The following ZNF714 variants were observed in gnomAD, a reference collection of about 807,000 sequenced individuals.
ZNF714 encodes the protein zinc finger protein 714.
Under a neutral mutation model 46.2 loss-of-function variants are expected in ZNF714, and 32 were observed. The observed-to-expected ratio is 0.69, with a 90% CI of 0.52 to 0.93. The LOEUF is 0.93. Ranked by LOEUF, ZNF714 falls within the 40% of genes least tolerant of loss-of-function variation. The probability of loss-of-function intolerance (pLI) is 0.00; values close to 1 mark genes in which losing one functional copy is unlikely to be tolerated. For missense variants in ZNF714, 635 were observed against 646.3 expected, an observed-to-expected ratio of 0.98 and a Z score of 0.19; for synonymous variants, 199 against 213.1, an observed-to-expected ratio of 0.93 and a Z score of 0.58.
In ZNF714 at chr19:21,086,803, T is replaced by A. The variant is rs546049935; in HGVS notation, c.-85+2734T>A. On this transcript the variant is annotated intron_variant, in intron 2 of 4. Transcript: ENST00000456283. ...ATATGCCTCTGACATCTCCCCCTTC[T>A]TTTTAACATGGGCACACTTAATCCT... 3.3e-5 allele frequency among the ~76,000 whole-genome samples: 5 copies of A among 152,282 alleles called. No individual in the cohort carries two copies. In the South Asian group the frequency reaches 1.0e-3, roughly 32 times the overall value.
Position 21,082,329 on chromosome 19 carries a change from A to T in ZNF714, c.-196A>T. ...GAGATCCACAGCTAAGACGCCAGGT[A>T]CCCCGGAAGCCTAGAAATGGTGAGA... On this transcript the variant is annotated 5_prime_UTR_variant, in exon 1 of 5. Coordinates refer to ENST00000456283, the MANE Select transcript of ZNF714 (RefSeq NM_182515.4). 1.4e-5 allele frequency: 20 copies of T among 1,453,966 alleles called. No individual in the cohort carries two copies. The highest frequency in any genetic ancestry group is 1.8e-5 in the Non-Finnish European group (19 of 1,075,482). 90.1% of individuals were successfully genotyped at this position (1,453,966 alleles called of 1,614,324 possible).
chr19:21,114,435 C>CAAAA (rs34487712), intron 4 of ZNF714, among the ~76,000 whole-genome samples: 3 of 124,894 alleles, frequency 2.4e-5, no homozygotes, highest in Non-Finnish European at 3.3e-5. Flanking sequence ...GACTCCATCT[C>CAAAA]AAAAAAAAAA....
chr19:21,109,247 C>T (rs1434082594), intron 4 of ZNF714, among the ~76,000 whole-genome samples: 2 of 152,082 alleles, frequency 1.3e-5, no homozygotes, highest in African/African-American at 4.8e-5. Context: ...GAGATAAAGT[C>T]TCACTCTGTC....
At chr19:21,085,447 T>C (rs1003458737) in intron 2 of ZNF714, among the ~76,000 whole-genome samples, 2 of 152,278 alleles carry the variant, frequency 1.3e-5, no homozygotes, top group Admixed American at 6.5e-5. Context: ...GTAGATACTT[T>C]TGCTTTTTTT....
At chr19:21,115,710 C>T (rs2144878595) in intron 4 of ZNF714, among the ~76,000 whole-genome samples, 1 of 151,810 alleles carries the variant, frequency 6.6e-6, no homozygotes, top group Admixed American at 6.6e-5. Flanking sequence ...TGAAATTGTG[C>T]TTATATATGT....
At position 21,084,648 on chromosome 19, in the gene ZNF714, C is replaced by G. The variant is rs184802908; in HGVS notation, c.-85+579C>G. The stretch of plus-strand genomic sequence containing the variant: ...AAGAGATTTGTTCACTTATTTTGAC[C>G]TCAGTTTTTTAGCTGTAAATTGCAT... On this transcript the variant is annotated intron_variant, in intron 2 of 4. Transcript: ENST00000456283. Among the ~76,000 whole-genome samples the G allele has an allele frequency of 7.9e-4, 120 of 152,058 alleles. 1 individual carries two copies. Among genetic ancestry groups the G allele is most frequent in the Middle Eastern group, 3.4e-3 (1 of 292 alleles).
intron 2 of ZNF714, among the ~76,000 whole-genome samples, chr19:21,092,454 T>A (rs1355721322): frequency 1.3e-5 from 2 of 152,360 alleles, no homozygotes; most frequent in East Asian, 3.9e-4. Context: ...CTGGGCCTCC[T>A]GTTCCTAATC....
At chr19:21,112,676 C>T (rs141679371) in intron 4 of ZNF714, among the ~76,000 whole-genome samples, 1 of 151,296 alleles carries the variant, frequency 6.6e-6, no homozygotes, top group Non-Finnish European at 1.5e-5. Flanking sequence ...TTAGGGTGTC[C>T]ATTTGAGATC....
chr19:21,090,872 C>CTTT (rs56845153), intron 2 of ZNF714: 4 of 52,026 alleles, frequency 7.7e-5, no homozygotes, highest in South Asian at 9.9e-4. Flanking sequence ...TATGCCTCTC[C>CTTT]TTTTTTTTTT....
intron 2 of ZNF714, among the ~76,000 whole-genome samples, chr19:21,096,135 TG>T (rs1969035373): frequency 2.0e-5 from 3 of 152,186 alleles, no homozygotes; most frequent in Non-Finnish European, 4.4e-5. Flanking sequence ...AAATTGTTGG[TG>T]TCTGTGGCAG....
intron 2 of ZNF714, chr19:21,090,948 G>T (rs765131148): frequency 1.6e-5 from 2 of 122,648 alleles, no homozygotes; most frequent in Non-Finnish European, 3.2e-5. Flanking sequence ...GCAGTGGCAT[G>T]ATCTCAGCTC....
chr19:21,092,954 G>T (rs1213315319), intron 2 of ZNF714, among the ~76,000 whole-genome samples: 1 of 122,900 alleles, frequency 8.1e-6, no homozygotes, highest in Non-Finnish European at 1.6e-5. Context: ...CTGTCAGCCA[G>T]GCTGGAGTGC....
chr19:21,098,522 C>T (rs1479388769), intron 3 of ZNF714, among the ~76,000 whole-genome samples: 2 of 152,096 alleles, frequency 1.3e-5, no homozygotes, highest in Non-Finnish European at 2.9e-5. Flanking sequence ...AGCTGATCTG[C>T]ATCCTTCACT....
At chr19:21,085,763 G>A (rs1488548473) in intron 2 of ZNF714, among the ~76,000 whole-genome samples, 3 of 152,058 alleles carry the variant, frequency 2.0e-5, no homozygotes, top group African/African-American at 7.2e-5. Flanking sequence ...AGGACCCACA[G>A]GCAAATGCAG....
At position 21,117,327 on chromosome 19, in the gene ZNF714, G is replaced by T; in HGVS notation, c.663G>T (p.Met221Ile). 1 of 1,610,618 alleles carries T rather than the reference G, an allele frequency of 6.2e-7. No homozygotes were observed. Among genetic ancestry groups the T allele is most frequent in the South Asian group, 1.1e-5 (1 of 90,898 alleles). The change falls in exon 5 of 5, where the codon ATG becomes ATT. Residue 221 changes from methionine to isoleucine, a missense_variant. Physicochemically the swap from Met to Ile is conservative, Grantham distance 10. Transcript: ENST00000456283. The stretch of plus-strand genomic sequence containing the variant: ...CCTCAACCCTTACTACACATAAGAT[G>T]ATTCATACTGGAGAGAAACCCTACA... ...KHSSTLTTHK[M>I]IHTGEKPYRC... is the part of the protein sequence containing the mutation.
Position 21,116,977 on chromosome 19 carries a change from C to A in ZNF714, c.313C>A (p.Leu105Ile). The part of the protein sequence containing the change: ...CKVYKKGYNE[L>I]NQCLTTTQSK... Reference sequence around the variant, plus strand: ...GGTGTACAAAAAAGGTTATAATGAACTAAACCAGTGTTTGACAACTACCCA... The same window carrying A: ...GGTGTACAAAAAAGGTTATAATGAAATAAACCAGTGTTTGACAACTACCCA... The change falls in exon 5 of 5, where the codon CTA (leucine) becomes ATA (isoleucine). Residue 105 changes from leucine (L) to isoleucine (I), a missense_variant. Leu to Ile is a conservative substitution (Grantham distance 5, BLOSUM62 2). Coordinates refer to ENST00000456283, the MANE Select transcript of ZNF714 (RefSeq NM_182515.4). The A allele has an allele frequency of 6.2e-7, 1 of 1,613,684 alleles. No homozygotes were observed. Among genetic ancestry groups the A allele is most frequent in the Non-Finnish European group, 8.5e-7 (1 of 1,179,806 alleles).
chr19:21,117,424 G>C lies in ZNF714; in HGVS notation c.760G>C (p.Glu254Gln). 6.2e-7 allele frequency: 1 copy of C among 1,613,068 alleles called. No individual in the cohort carries two copies. The highest frequency in any genetic ancestry group is 2.2e-5 in the East Asian group (1 of 44,794). The part of the protein sequence containing the change: ...LTTHKVIHTG[E>Q]KPFKCEECGK... ...TACACATAAGGTAATTCATACTGGA[G>C]AGAAGCCCTTCAAATGTGAAGAATG... The change falls in exon 5 of 5, where the codon GAG becomes CAG. Residue 254 changes from glutamate (E) to glutamine (Q), a missense_variant. Coordinates refer to ENST00000456283, the MANE Select transcript of ZNF714 (RefSeq NM_182515.4).
At chr19:21,110,823 G>A (rs868424497) in intron 4 of ZNF714, among the ~76,000 whole-genome samples, 4 of 152,110 alleles carry the variant, frequency 2.6e-5, no homozygotes, top group South Asian at 4.1e-4. Flanking sequence ...AGTTCTCCCA[G>A]CACCATTTAT....
chr19:21,098,170 G>A lies in ZNF714; in HGVS notation c.-84-15G>A, dbSNP rs565467942. ...TTGGTAAATATACGTGTGTCTGTGC[G>A]TATGTGTTTTTCAGGAGACGTTGAC... On this transcript the variant is annotated splice_polypyrimidine_tract_variant and intron_variant, in intron 2 of 4. Transcript: ENST00000456283. 357 of 1,603,786 alleles carry A rather than the reference G, an allele frequency of 2.2e-4. 2 individuals carry two copies. In the African/African-American group the frequency reaches 3.8e-3, roughly 17 times the overall value.
Sources: gnomAD v4.1 joint callset for allele counts (sites outside exome capture counted in the v4.1 genomes callset) on GRCh38, gnomAD v4.1.1 for gene constraint, MANE v1.5 for transcripts, NCBI Gene and HGNC (gene_info 2026-07-23, HGNC 2026-07-21) for gene names.